Variants in SBF2 observed in about 807,000 individuals in gnomAD.
SBF2 encodes the protein SET binding factor 2, also known as myotubularin-related protein 13.
A neutral mutation model predicts 225.2 loss-of-function variants in SBF2; 112 were observed. The observed-to-expected ratio is 0.50, with a 90% confidence interval of 0.43 to 0.58. SBF2 has a LOEUF of 0.58. Among genes scored for constraint, SBF2 ranks in the 20% least tolerant of loss-of-function variants. The pLI is 0.00. For synonymous variants in SBF2, 763 were observed against 773.3 expected (o/e 0.99, Z 0.22); for missense variants, 1,996 against 2,206.2 (o/e 0.90, Z 1.91).
At chr11:10,015,194 A>G (rs969691645) in intron 6 of SBF2, among the ~76,000 whole-genome samples, 2 of 152,138 alleles carry the variant, frequency 1.3e-5, no homozygotes, top group Admixed American at 1.3e-4. Flanking sequence ...TGGTATCCAT[A>G]ATGTACTATG....
intron 16 of SBF2, chr11:9,957,260 A>G (rs1866232215): frequency 2.0e-5 from 3 of 152,140 alleles, no homozygotes; most frequent in Admixed American, 1.3e-4. Context: ...TGGGCAGGGC[A>G]CAGAAACCCT....
intron 1 of SBF2, among the ~76,000 whole-genome samples, chr11:10,233,871 G>T (rs1178571725): frequency 1.3e-5 from 2 of 152,086 alleles, no homozygotes; most frequent in African/African-American, 2.4e-5. Context: ...CTTACTCTTG[G>T]TCTCCCTACT....
At chr11:10,253,769 CA>C (rs61609941) in intron 1 of SBF2, among the ~76,000 whole-genome samples, 33,126 of 149,362 alleles carry the variant, frequency 0.22, 3,898 homozygotes, top group Middle Eastern at 0.3. Context: ...TCCAAATCTC[CA>C]AAAAAAAACA....
At chr11:9,927,627 A>G (rs1339397572) in intron 16 of SBF2, among the ~76,000 whole-genome samples, 2 of 152,212 alleles carry the variant, frequency 1.3e-5, no homozygotes, top group Non-Finnish European at 2.9e-5. Context: ...CTGGTTTCAC[A>G]TTAGCAAATC....
chr11:9,939,719 G>C (rs1197625596), intron 16 of SBF2, among the ~76,000 whole-genome samples: 1 of 152,078 alleles, frequency 6.6e-6, no homozygotes, highest in Non-Finnish European at 1.5e-5. Flanking sequence ...ATAGCCCTTT[G>C]GACAGCAACC....
Position 9,858,272 on chromosome 11 carries a change from T to G in SBF2, c.2054A>C (p.Tyr685Ser). The change falls in exon 18 of 40, where the codon TAT becomes TCT. Residue 685 changes from tyrosine (Y) to serine (S), a missense_variant. Transcript: ENST00000256190. Reference protein sequence around the residue: ...NAVQEQVRSLYLSAKEDNHAP... With the variant: ...NAVQEQVRSLSLSAKEDNHAP... ...ATGATTGTCTTCCTTGGCTGAGAGA[T>G]AAAGGGAGCGAACCTGTTCCTGCAC... 1 of 1,614,166 alleles carries G rather than the reference T, an allele frequency of 6.2e-7. No individual in the cohort carries two copies. Among genetic ancestry groups the G allele is most frequent in the Non-Finnish European group, 8.5e-7 (1 of 1,180,030 alleles).
chr11:10,222,442 A>C (rs1237313418), intron 1 of SBF2, among the ~76,000 whole-genome samples: 1 of 152,220 alleles, frequency 6.6e-6, no homozygotes, highest in Non-Finnish European at 1.5e-5. Context: ...AAACCTAAAA[A>C]ATAACAAAGT....
chr11:10,281,680 A>G (rs562077586), intron 1 of SBF2, among the ~76,000 whole-genome samples: 2 of 152,174 alleles, frequency 1.3e-5, no homozygotes, highest in South Asian at 2.1e-4. Flanking sequence ...TCTTGGGAAC[A>G]CCTACACAAT....
chr11:10,259,743 T>A (rs1191276024), intron 1 of SBF2, among the ~76,000 whole-genome samples: 2 of 152,054 alleles, frequency 1.3e-5, no homozygotes, highest in African/African-American at 2.4e-5. Context: ...TTCCGAAACA[T>A]AACATATTTT....
At chr11:10,228,758 C>T (rs1304077247) in intron 1 of SBF2, among the ~76,000 whole-genome samples, 4 of 152,154 alleles carry the variant, frequency 2.6e-5, no homozygotes, top group Admixed American at 6.5e-5. Context: ...CAATGTTCAT[C>T]AAGGATATTG....
At chr11:9,943,953 TA>T (rs1470526932) in intron 16 of SBF2, among the ~76,000 whole-genome samples, 1 of 152,226 alleles carries the variant, frequency 6.6e-6, no homozygotes, top group Non-Finnish European at 1.5e-5. Context: ...ACACTGTGTT[TA>T]GTTACAACAC....
At chr11:10,068,877 T>C (rs1590881270) in intron 2 of SBF2, among the ~76,000 whole-genome samples, 2 of 152,280 alleles carry the variant, frequency 1.3e-5, no homozygotes, top group South Asian at 2.1e-4. Context: ...AATATGAATA[T>C]ATTTTTATTG....
intron 16 of SBF2, chr11:9,959,187 T>C (rs771957450): frequency 2.5e-6 from 2 of 800,786 alleles, no homozygotes; most frequent in Non-Finnish European, 4.5e-6. Flanking sequence ...CTTCACAGGG[T>C]CCGATTTGGA....
In SBF2 at chr11:9,846,770, G is replaced by T. The variant is rs934999258; in HGVS notation, c.2934+186C>A. Among the ~76,000 whole-genome samples the T allele has an allele frequency of 3.3e-5, 5 of 152,242 alleles. No individual in the cohort carries two copies. The East Asian group carries it at 7.7e-4, about 24-fold the overall frequency. Reference sequence around the variant, plus strand: ...GCTGGTACTCTGAGTTGGCTAAGGGGCTCCAGGGATTAAATCCAAGACTAT... The same window carrying T: ...GCTGGTACTCTGAGTTGGCTAAGGGTCTCCAGGGATTAAATCCAAGACTAT... On this transcript the variant is annotated intron_variant, in intron 23 of 39. Coordinates refer to ENST00000256190, the MANE Select transcript of SBF2 (RefSeq NM_030962.4).
At chr11:10,114,699 T>C (rs1446497350) in intron 2 of SBF2, among the ~76,000 whole-genome samples, 3 of 152,270 alleles carry the variant, frequency 2.0e-5, no homozygotes, top group East Asian at 1.9e-4. Context: ...GTTCCTTTTG[T>C]ATTGCACAGG....
At chr11:9,939,329 C>T (rs1865111012) in intron 16 of SBF2, among the ~76,000 whole-genome samples, 1 of 150,768 alleles carries the variant, frequency 6.6e-6, no homozygotes, top group Non-Finnish European at 1.5e-5. Flanking sequence ...ATCTCCGGAC[C>T]TTGTGATCCG....
At chr11:10,069,887 G>C (rs1391290563) in intron 2 of SBF2, among the ~76,000 whole-genome samples, 2 of 150,778 alleles carry the variant, frequency 1.3e-5, no homozygotes, top group Non-Finnish European at 1.5e-5. Flanking sequence ...TTGTGGTTTT[G>C]ATTTGCATTT....
intron 1 of SBF2, among the ~76,000 whole-genome samples, chr11:10,200,357 C>G (rs1227918289): frequency 6.6e-6 from 1 of 152,136 alleles, no homozygotes; most frequent in Non-Finnish European, 1.5e-5. Flanking sequence ...GCACTCCAAC[C>G]TGAACATAAT....
At chr11:10,169,524 G>A (rs1180954947) in intron 2 of SBF2, among the ~76,000 whole-genome samples, 1 of 152,076 alleles carries the variant, frequency 6.6e-6, no homozygotes, top group Non-Finnish European at 1.5e-5. Context: ...TTCTTCTTAT[G>A]GTCAAAGAAT....
Sources: gnomAD v4.1 joint callset for allele counts (sites outside exome capture counted in the v4.1 genomes callset) on GRCh38, gnomAD v4.1.1 for gene constraint, MANE v1.5 for transcripts, NCBI Gene and HGNC (gene_info 2026-07-23, HGNC 2026-07-21) for gene names.